The following POP1 variants were observed in gnomAD, a reference collection of about 807,000 sequenced individuals.
The protein encoded by POP1 is POP1 ribonuclease P/MRP subunit, also known as ribonucleases P/MRP protein subunit POP1.
A neutral mutation model predicts 102.2 loss-of-function variants in POP1; 75 were observed. The observed-to-expected ratio is 0.73, with a 90% CI of 0.61 to 0.89. The LOEUF (loss-of-function observed/expected upper bound fraction) is 0.89. Ranked by LOEUF, POP1 falls within the 40% of genes least tolerant of loss-of-function variation. POP1 has a pLI of 0.00. For synonymous variants in POP1, 436 were observed against 464.1 expected (o/e 0.94, Z 0.78); for missense variants, 1,116 against 1,267.4 (o/e 0.88, Z 1.81).
At chr8:98,122,244 C>A (rs902923129) in intron 1 of POP1, among the ~76,000 whole-genome samples, 1 of 152,116 alleles carries the variant, frequency 6.6e-6, no homozygotes, top group Non-Finnish European at 1.5e-5. Context: ...GGAGTGTTGA[C>A]CAATTTGGAA....
At position 98,148,876 on chromosome 8, in the gene POP1, A is replaced by G. The variant is rs137966547; in HGVS notation, c.1772A>G (p.His591Arg). 1.1e-5 allele frequency: 18 copies of G among 1,613,868 alleles called. No homozygotes were observed. The highest frequency in any genetic ancestry group is 2.7e-5 in the African/African-American group (2 of 74,920). ...VPGSQLILGP[H>R]ESKIPILLIQ... is the part of the protein sequence containing the mutation. The stretch of plus-strand genomic sequence containing the variant: ...GGGTCACAGCTTATTTTAGGTCCCC[A>G]TGAATCCAAGATACCTATACTTTTG... The change falls in exon 13 of 16, where the codon CAT becomes CGT. Residue 591 changes from histidine (H) to arginine (R), a missense_variant. By Grantham distance (29) the His-to-Arg change is conservative. Coordinates refer to ENST00000401707, the MANE Select transcript of POP1 (RefSeq NM_001145860.2).
intron 14 of POP1, among the ~76,000 whole-genome samples, chr8:98,154,393 A>G (rs1379564100): frequency 6.6e-6 from 1 of 152,076 alleles, no homozygotes; most frequent in Non-Finnish European, 1.5e-5. Context: ...AGCCGCAGGG[A>G]GGTGCTAGTG....
In POP1 at chr8:98,157,866, G is replaced by A. The variant is rs1472673985; in HGVS notation, c.2670G>A (p.Trp890Ter). Reference sequence around the variant, plus strand: ...ACTTCCTCCAGCTCCATGAGGACTGGCATTACTGTGGGCCCCAGGAATCCA... The same window carrying A: ...ACTTCCTCCAGCTCCATGAGGACTGACATTACTGTGGGCCCCAGGAATCCA... The part of the protein sequence containing the change: ...KEDFLQLHED[W>*]HYCGPQESKH... Residue 890 changes from tryptophan (W) to a stop codon, truncating the protein, a stop_gained, in exon 16 of 16, where the codon TGG (tryptophan) becomes TGA (stop). Transcript: ENST00000401707. LOFTEE classifies it low-confidence loss of function (END_TRUNC). 6.2e-7 allele frequency: 1 copy of A among 1,614,050 alleles called. No homozygotes were observed. Among genetic ancestry groups the A allele is most frequent in the East Asian group, 2.2e-5 (1 of 44,896 alleles).
chr8:98,133,264 A>G (rs1243138627), intron 5 of POP1, among the ~76,000 whole-genome samples: 1 of 152,128 alleles, frequency 6.6e-6, no homozygotes, highest in African/African-American at 2.4e-5. Context: ...ATTATTATGG[A>G]TACTATAACT....
At chr8:98,156,467 A>G in intron 15 of POP1, 55 bp downstream of exon 15, 1 of 1,606,168 alleles carries the variant, frequency 6.2e-7, no homozygotes. Context: ...AATATTGAAG[A>G]GGCTACAGGA....
At chr8:98,149,162 C>A (rs1466618570) in intron 13 of POP1, among the ~76,000 whole-genome samples, 156 bp downstream of exon 13, 1 of 152,174 alleles carries the variant, frequency 6.6e-6, no homozygotes, top group East Asian at 1.9e-4. Flanking sequence ...CAAGATACTT[C>A]ATACATATAG....
At chr8:98,136,438 T>C in intron 7 of POP1, 44 bp from the exon 8 acceptor site, 1 of 1,552,288 alleles carries the variant, frequency 6.4e-7, no homozygotes, top group Non-Finnish European at 8.7e-7. Context: ...CGTAATATAT[T>C]TAAATTTCAA....
chr8:98,152,316 CTT>C (rs1283628818), intron 14 of POP1, among the ~76,000 whole-genome samples: 1 of 152,124 alleles, frequency 6.6e-6, no homozygotes, highest in East Asian at 1.9e-4. Context: ...TGAAACCTGT[CTT>C]TTTCGTTTAA....
chr8:98,118,128 A>G (rs559066695), intron 1 of POP1, among the ~76,000 whole-genome samples: 6 of 152,254 alleles, frequency 3.9e-5, no homozygotes, highest in African/African-American at 1.4e-4. Flanking sequence ...TGTCCTACAT[A>G]CTGCTAAGGT....
At chr8:98,121,368 G>T (rs1252966378) in intron 1 of POP1, among the ~76,000 whole-genome samples, 1 of 152,134 alleles carries the variant, frequency 6.6e-6, no homozygotes, top group Admixed American at 6.5e-5. Context: ...TTGGAAGTTT[G>T]TGTAGGTGTT....
chr8:98,149,211 C>T (rs1317352324), intron 13 of POP1, among the ~76,000 whole-genome samples: 1 of 152,100 alleles, frequency 6.6e-6, no homozygotes, highest in Non-Finnish European at 1.5e-5. Context: ...CCTGTGCTGA[C>T]ATATCGTCAA....
chr8:98,117,529 C>T (rs1040851293), intron 1 of POP1, 139 bp downstream of exon 1: 6 of 196,908 alleles, frequency 3.0e-5, no homozygotes, highest in Non-Finnish European at 5.4e-5. Context: ...GCTGCCTGTG[C>T]CCGGGGCCCC....
At chr8:98,121,405 G>A (rs145259462) in intron 1 of POP1, among the ~76,000 whole-genome samples, 1 of 152,008 alleles carries the variant, frequency 6.6e-6, no homozygotes, top group African/African-American at 2.4e-5. Flanking sequence ...GGCTAACATT[G>A]CTGGCATTTA....
rs776327495 is a variant in POP1, at chr8:98,158,403, A to G, written c.*132A>G. On this transcript the variant is annotated 3_prime_UTR_variant, in exon 16 of 16. Coordinates refer to ENST00000401707, the MANE Select transcript of POP1 (RefSeq NM_001145860.2). ...TGGAAACAAGAATAAAAAATTATGT[A>G]TTATGCAGATGATGAAATGTTTACA... The G allele has an allele frequency of 1.0e-4, 97 of 950,686 alleles. 1 individual carries two copies. The Middle Eastern group carries it at 2.2e-3, about 22-fold the overall frequency. 58.9% of individuals were successfully genotyped at this position (950,686 alleles called of 1,614,324 possible). A position where few individuals can be genotyped will look rare whatever the true frequency, so the allele number is the denominator to read the frequency against.
chr8:98,146,993 T>C (rs1816859949), intron 12 of POP1, among the ~76,000 whole-genome samples: 1 of 152,268 alleles, frequency 6.6e-6, no homozygotes, highest in South Asian at 2.1e-4. Context: ...AAGAATAATC[T>C]CTAGAAAATG....
chr8:98,159,284 T>C lies in POP1; in HGVS notation c.*1013T>C, dbSNP rs891302657. The C allele has an allele frequency of 5.9e-5, 9 of 152,226 alleles. No homozygotes were observed. The highest frequency in any genetic ancestry group is 2.2e-4 in the African/African-American group (9 of 41,454). 9.4% of individuals were successfully genotyped at this position (152,226 alleles called of 1,614,324 possible). On this transcript the variant is annotated 3_prime_UTR_variant, in exon 16 of 16. Transcript: ENST00000401707. Reference sequence around the variant, plus strand: ...GCGCGCTTTGGGCAGTGTGGCTGTGTAGTGCATAGCTACCTCTGCAAGGTG... The same window carrying C: ...GCGCGCTTTGGGCAGTGTGGCTGTGCAGTGCATAGCTACCTCTGCAAGGTG...
rs758336868 is a variant in POP1, at chr8:98,128,488, G to A, written c.434G>A (p.Ser145Asn). ...LPRHMRRRAM[S>N]HNVKRLPRRL... ...CGGCACATGCGACGAAGAGCCATGA[G>A]CCACAACGTCAAACGCCTTCCCAGA... The change falls in exon 4 of 16, where the codon AGC (serine) becomes AAC (asparagine). Residue 145 changes from serine (S) to asparagine (N), a missense_variant. Ser to Asn is a conservative substitution (Grantham distance 46). Coordinates refer to ENST00000401707, the MANE Select transcript of POP1 (RefSeq NM_001145860.2). The A allele has an allele frequency of 6.2e-7, 1 of 1,613,996 alleles. No individual in the cohort carries two copies. The highest frequency in any genetic ancestry group is 1.1e-5 in the South Asian group (1 of 91,076).
At position 98,149,007 on chromosome 8, in the gene POP1, G is replaced by C. The variant is rs1809442661; in HGVS notation, c.1902+1G>C. 2 of 1,610,546 alleles carry C rather than the reference G, an allele frequency of 1.2e-6. No homozygotes were observed. The highest frequency in any genetic ancestry group is 1.7e-5 in the Admixed American group (1 of 59,734). On this transcript the variant is annotated splice_donor_variant, in intron 13 of 15. Coordinates refer to ENST00000401707, the MANE Select transcript of POP1 (RefSeq NM_001145860.2). LOFTEE classifies it high-confidence loss of function. ...GGGCATGGCTTTCTGGATTCCATTT[G>C]TAAGTTACTTTTTGATTCTAACAGT...
rs764915655 is a variant in POP1, at chr8:98,158,267, T to TTC, written c.3071_3072insTC (p.Ter1025ArgfsTer42). 6.2e-7 allele frequency: 1 copy of TTC among 1,608,356 alleles called. No individual in the cohort carries two copies. Among genetic ancestry groups the TTC allele is most frequent in the Non-Finnish European group, 8.5e-7 (1 of 1,180,008 alleles). On this transcript the variant is annotated frameshift_variant, in exon 16 of 16. Coordinates refer to ENST00000401707, the MANE Select transcript of POP1 (RefSeq NM_001145860.2). LOFTEE classifies it high-confidence loss of function. The stretch of plus-strand genomic sequence containing the variant: ...CGATTTGCGAGGATTGCTATTGAGG[T>TTC]GTGAATGCGTGCTTGTATCCCAGCA...
Sources: gnomAD v4.1 joint callset for allele counts (sites outside exome capture counted in the v4.1 genomes callset) on GRCh38, gnomAD v4.1.1 for gene constraint, MANE v1.5 for transcripts, NCBI Gene and HGNC (gene_info 2026-07-23, HGNC 2026-07-21) for gene names.